Variants in NCK2 observed in about 807,000 individuals in gnomAD.
NCK2 encodes the protein NCK adaptor protein 2.
NCK2 carries 16 observed loss-of-function variants against 33.9 expected under a neutral mutation model. The observed-to-expected ratio is 0.47, with a 90% confidence interval of 0.32 to 0.72. The LOEUF (loss-of-function observed/expected upper bound fraction) is 0.72, where lower values mean the gene tolerates loss of function less well. Among genes scored for constraint, NCK2 ranks in the 30% least tolerant of loss-of-function variants. NCK2 has a pLI of 0.03. For missense variants in NCK2, 418 were observed against 537.3 expected (o/e 0.78, Z 2.19); for synonymous variants, 273 against 239.9 (o/e 1.14, Z -1.27).
chr2:105,805,093 C>T (rs555645645), intron 1 of NCK2, among the ~76,000 whole-genome samples: 5 of 152,336 alleles, frequency 3.3e-5, no homozygotes, highest in Admixed American at 6.5e-5. Context: ...GAGGCTCTTC[C>T]TATCTGGACA....
At chr2:105,746,051 T>A (rs1239922390) in intron 1 of NCK2, among the ~76,000 whole-genome samples, 1 of 152,242 alleles carries the variant, frequency 6.6e-6, no homozygotes, top group Admixed American at 6.5e-5. Context: ...CCCAGGCACC[T>A]GACTTAAACT....
At chr2:105,795,811 C>T (rs191466836) in intron 1 of NCK2, among the ~76,000 whole-genome samples, 1 of 152,252 alleles carries the variant, frequency 6.6e-6, no homozygotes, top group African/African-American at 2.4e-5. Context: ...TCCCTCTAGA[C>T]CTCTCCCTCC....
intron 3 of NCK2, among the ~76,000 whole-genome samples, chr2:105,878,810 G>A (rs888319308): frequency 1.3e-5 from 2 of 152,166 alleles, no homozygotes; most frequent in African/African-American, 2.4e-5. Flanking sequence ...AGCAAAACAG[G>A]TAAAATTTCC....
chr2:105,815,898 C>G (rs11895235), intron 1 of NCK2, among the ~76,000 whole-genome samples: 46,109 of 152,062 alleles, frequency 0.3, 8,005 homozygotes, highest in South Asian at 0.4. Context: ...AAAGGTGGGG[C>G]TCATTGGGAG....
At position 105,893,735 on chromosome 2, in the gene NCK2, T is replaced by TAAAG. The variant is rs10622924; in HGVS notation, c.*562_*565dup. 0.94 allele frequency: 142,759 copies of TAAAG among 152,542 alleles called. 66,871 individuals are homozygous for TAAAG. Among genetic ancestry groups the TAAAG allele is most frequent in the East Asian group, 0.98 (5,083 of 5,166 alleles). 9.4% of individuals were successfully genotyped at this position (152,542 alleles called of 1,614,324 possible). A position where few individuals can be genotyped will look rare whatever the true frequency, so the allele number is the denominator to read the frequency against. On this transcript the variant is annotated 3_prime_UTR_variant, in exon 5 of 5. Transcript: ENST00000233154. The stretch of plus-strand genomic sequence containing the variant: ...AGTGCCTTTGGGGCTGTGCTTGCAA[T>TAAAG]AAAGAATTTCCTGGAAAGGCAGTCT...
At chr2:105,870,258 G>A (rs764703602) in intron 3 of NCK2, among the ~76,000 whole-genome samples, 1 of 152,234 alleles carries the variant, frequency 6.6e-6, no homozygotes, top group Non-Finnish European at 1.5e-5. Context: ...CAGCCAGCTG[G>A]AGGCTGAGGA....
chr2:105,881,259 C>A, intron 3 of NCK2, 69 bp from the exon 4 acceptor site: 1 of 1,508,890 alleles, frequency 6.6e-7, no homozygotes, highest in Non-Finnish European at 8.8e-7. Context: ...GCGTGGAAAT[C>A]CCGGTAGGCT....
intron 2 of NCK2, among the ~76,000 whole-genome samples, chr2:105,833,874 A>G (rs1168428723): frequency 6.6e-6 from 1 of 152,036 alleles, no homozygotes; most frequent in Non-Finnish European, 1.5e-5. Context: ...GTTGTTTCAG[A>G]TTTTTTATTT....
rs1284573312 is a variant in NCK2, at chr2:105,815,078, C to T, written c.-200-1352C>T. Among the ~76,000 whole-genome samples the T allele has an allele frequency of 2.0e-5, 3 of 152,188 alleles. No homozygotes were observed. The East Asian group carries it at 5.8e-4, about 29-fold the overall frequency. On this transcript the variant is annotated intron_variant, in intron 1 of 4. Transcript: ENST00000233154. ...GAACTGAGTTCAGATTCCAATACTT[C>T]CATCTCGAGAGGACCTGTCATTTTA... is the stretch of plus-strand genomic sequence containing the variant.
chr2:105,760,338 G>A (rs887689147), intron 1 of NCK2, among the ~76,000 whole-genome samples: 2 of 152,166 alleles, frequency 1.3e-5, no homozygotes, highest in Non-Finnish European at 2.9e-5. Context: ...AAATTCCGGG[G>A]AACTGCCTGA....
At chr2:105,831,410 C>CTTTTTTTTTTTTTTTTT (rs56247904) in intron 2 of NCK2, among the ~76,000 whole-genome samples, 1 of 144,846 alleles carries the variant, frequency 6.9e-6, no homozygotes, top group Non-Finnish European at 1.5e-5. Flanking sequence ...AGCATGATAT[C>CTTTTTTTTTTTTTTTTT]TTTTTTTTTT....
intron 1 of NCK2, among the ~76,000 whole-genome samples, chr2:105,782,158 C>G (rs1460535283): frequency 6.6e-6 from 1 of 152,158 alleles, no homozygotes; most frequent in Non-Finnish European, 1.5e-5. Flanking sequence ...AGCCTATCAC[C>G]GATCATCTCT....
intron 1 of NCK2, among the ~76,000 whole-genome samples, chr2:105,792,897 A>AC (rs1247156356): frequency 6.6e-6 from 1 of 152,164 alleles, no homozygotes; most frequent in Non-Finnish European, 1.5e-5. Context: ...CTCCTTCTGC[A>AC]CTTGCTAGCC....
chr2:105,804,609 A>G (rs1260912721), intron 1 of NCK2, among the ~76,000 whole-genome samples: 1 of 152,178 alleles, frequency 6.6e-6, no homozygotes, highest in East Asian at 1.9e-4. Context: ...CTGCCATAGG[A>G]AGTCATATAT....
intron 1 of NCK2, among the ~76,000 whole-genome samples, chr2:105,779,306 C>A (rs374160036): frequency 0.013 from 1,588 of 119,154 alleles, no homozygotes; most frequent in Non-Finnish European, 0.015. Context: ...GACTCCGTCT[C>A]AAAAAAAAAA....
chr2:105,778,552 G>T (rs1690384779), intron 1 of NCK2, among the ~76,000 whole-genome samples: 1 of 152,222 alleles, frequency 6.6e-6, no homozygotes. Context: ...GGATTTGCCG[G>T]CAGAGTTAAC....
At chr2:105,851,902 GGTTTT>G (rs1366883262) in intron 2 of NCK2, 1 of 152,386 alleles carries the variant, frequency 6.6e-6, no homozygotes, top group African/African-American at 2.4e-5. Flanking sequence ...AAGCAGGTTC[GGTTTT>G]GTTTTGTTTT....
intron 1 of NCK2, among the ~76,000 whole-genome samples, chr2:105,778,667 T>C (rs367714427): frequency 1.3e-5 from 2 of 152,216 alleles, no homozygotes; most frequent in East Asian, 3.8e-4. Context: ...CATGCCCTTG[T>C]TACTGCACTG....
intron 1 of NCK2, among the ~76,000 whole-genome samples, chr2:105,775,749 C>A (rs1479055731): frequency 1.3e-5 from 2 of 152,008 alleles, no homozygotes; most frequent in Non-Finnish European, 2.9e-5. Flanking sequence ...CTGGGAGCAC[C>A]ACACCTCCCG....
Sources: gnomAD v4.1 joint callset for allele counts (sites outside exome capture counted in the v4.1 genomes callset) on GRCh38, gnomAD v4.1.1 for gene constraint, MANE v1.5 for transcripts, NCBI Gene and HGNC (gene_info 2026-07-23, HGNC 2026-07-21) for gene names.